Variants in SMARCA4 observed in about 807,000 individuals in gnomAD.
SMARCA4 encodes SWI/SNF-related matrix-associated actin-dependent regulator of chromatin subfamily A member 4.
Under a neutral mutation model 193.9 loss-of-function variants are expected in SMARCA4, and 31 were observed. That is an observed-to-expected ratio of 0.16 (90% CI 0.12 to 0.22). SMARCA4 has a LOEUF of 0.22. Among genes scored for constraint, SMARCA4 ranks in the 10% least tolerant of loss-of-function variants. SMARCA4 has a pLI of 1.00. For synonymous variants in SMARCA4, 942 were observed against 933.1 expected (o/e 1.01, Z -0.17); for missense variants, 1,148 against 2,296.0 (o/e 0.50, Z 10.22).
intron 34 of SMARCA4, 30 bp from the exon 35 acceptor site, chr19:11,061,754 G>A (rs376315782): frequency 3.4e-5 from 54 of 1,611,344 alleles, no homozygotes; most frequent in Middle Eastern, 1.6e-4. Context: ...GGTGGCCAAC[G>A]CACACTCTCT....
At chr19:10,996,186 A>G (rs200916800) in intron 9 of SMARCA4, 27 bp from the exon 10 acceptor site, 96 of 1,613,406 alleles carry the variant, frequency 6.0e-5, no homozygotes, top group Non-Finnish European at 7.7e-5. Flanking sequence ...GTGCCACCAC[A>G]TTGCAGTAAC....
At chr19:10,969,048 C>G (rs879774618) in intron 1 of SMARCA4, among the ~76,000 whole-genome samples, 1 of 152,172 alleles carries the variant, frequency 6.6e-6, no homozygotes, top group Non-Finnish European at 1.5e-5. Context: ...GAATCAGTTA[C>G]TCAGGCCCTG....
intron 20 of SMARCA4, among the ~76,000 whole-genome samples, chr19:11,023,970 G>T (rs1010131937): frequency 3.9e-5 from 6 of 152,210 alleles, no homozygotes; most frequent in African/African-American, 1.4e-4. Flanking sequence ...GGGTTTTCAA[G>T]GCCTGCTGCA....
chr19:11,025,673 G>A (rs1225418638), intron 22 of SMARCA4, 165 bp downstream of exon 22: 1 of 656,070 alleles, frequency 1.5e-6, no homozygotes, highest in East Asian at 2.9e-5. Flanking sequence ...AGTGCTTACG[G>A]GAAGAATCCC....
At chr19:11,024,488 G>A (rs767631077) in intron 21 of SMARCA4, 50 bp downstream of exon 21, 8 of 1,175,682 alleles carry the variant, frequency 6.8e-6, no homozygotes, top group South Asian at 3.7e-5. Context: ...GTCCAAGGCC[G>A]GCAGCGTGGC....
chr19:10,964,535 T>C (rs2084059001), intron 1 of SMARCA4, among the ~76,000 whole-genome samples: 1 of 152,036 alleles, frequency 6.6e-6, no homozygotes, highest in South Asian at 2.1e-4. Context: ...GGTCTTGAAC[T>C]CCTGACCTCA....
At position 11,058,207 on chromosome 19, in the gene SMARCA4, C is replaced by T; in HGVS notation, c.4425-48C>T. 1.5e-6 allele frequency: 2 copies of T among 1,308,750 alleles called. No homozygotes were observed. Among genetic ancestry groups the T allele is most frequent in the Non-Finnish European group, 1.1e-6 (1 of 910,690 alleles). The allele number at this position is 1,308,750 out of a possible 1,614,324, so 81.1% of individuals were successfully genotyped here. On this transcript the variant is annotated intron_variant, in intron 30 of 34. Coordinates refer to ENST00000344626, the MANE Select transcript of SMARCA4 (RefSeq NM_003072.5). The surrounding 1 kb of genome is among the most constrained non-coding windows in gnomAD (Gnocchi z 5.8). ...AACCTGCTGAGGTGGGGTGGGGGCT[C>T]CCGGGTGGGCGGACTCGGGGGTGAT... is the stretch of plus-strand genomic sequence containing the variant.
intron 1 of SMARCA4, among the ~76,000 whole-genome samples, chr19:10,976,620 A>G (rs1274449846): frequency 1.3e-5 from 2 of 150,722 alleles, no homozygotes; most frequent in East Asian, 1.9e-4. Flanking sequence ...AGCTGGGCAT[A>G]GTGGCATGAG....
At chr19:11,020,241 A>T (rs2089739366) in intron 18 of SMARCA4, among the ~76,000 whole-genome samples, 1 of 152,134 alleles carries the variant, frequency 6.6e-6, no homozygotes, top group Non-Finnish European at 1.5e-5. Context: ...GAAACTGTGA[A>T]GGGAGTCCCA....
Position 10,995,889 on chromosome 19 carries a change from A to C in SMARCA4, c.1594-324A>C, listed in dbSNP as rs1386832823. The C allele has an allele frequency of 3.8e-5, 16 of 421,758 alleles. No homozygotes were observed. In the Admixed American group the frequency reaches 5.5e-4, roughly 14 times the overall value. The allele number at this position is 421,758 out of a possible 1,614,324, so 26.1% of individuals were successfully genotyped here. A position where few individuals can be genotyped will look rare whatever the true frequency, so the allele number is the denominator to read the frequency against. ...GGGGGCTGCTGTAGGAGGTGGTGGG[A>C]GGGATGCACCTTGGACTTGGTGGAG... On this transcript the variant is annotated intron_variant, in intron 9 of 34. Coordinates refer to ENST00000344626, the MANE Select transcript of SMARCA4 (RefSeq NM_003072.5).
At position 11,041,105 on chromosome 19, in the gene SMARCA4, G is replaced by GT. The variant is rs1568526673; in HGVS notation, c.4171-202_4171-201insT. The GT allele has an allele frequency of 1.7e-6, 1 of 583,542 alleles. No individual in the cohort carries two copies. The highest frequency in any genetic ancestry group is 1.9e-5 in the African/African-American group (1 of 53,804). 36.1% of individuals were successfully genotyped at this position (583,542 alleles called of 1,614,324 possible). A position where few individuals can be genotyped will look rare whatever the true frequency, so the allele number is the denominator to read the frequency against. The stretch of plus-strand genomic sequence containing the variant: ...ACAAGCTTGGGTGGGGTGCCTGCTG[G>GT]GGGCAGTGCTGGTCTTTCACTGCAG... On this transcript the variant is annotated intron_variant, in intron 29 of 34. Coordinates refer to ENST00000344626, the MANE Select transcript of SMARCA4 (RefSeq NM_003072.5). The surrounding 1 kb of genome is among the most constrained non-coding windows in gnomAD (Gnocchi z 5.6).
chr19:11,035,262 C>CG (rs1452756885), intron 29 of SMARCA4, 130 bp downstream of exon 29: 3 of 865,940 alleles, frequency 3.5e-6, no homozygotes, highest in Middle Eastern at 3.2e-4. Context: ...GGCCAGGCTC[C>CG]GCAGGCAGCC....
At chr19:10,978,622 G>A (rs149290273) in intron 1 of SMARCA4, among the ~76,000 whole-genome samples, 367 of 151,190 alleles carry the variant, frequency 2.4e-3, no homozygotes, top group Non-Finnish European at 4.1e-3. Context: ...CATCACGCCC[G>A]GCCGATACTT....
chr19:11,001,691 C>T (rs1226480825), intron 11 of SMARCA4, among the ~76,000 whole-genome samples: 1 of 152,100 alleles, frequency 6.6e-6, no homozygotes, highest in African/African-American at 2.4e-5. Context: ...GAGCTTTTAG[C>T]GCGTAGAGAC....
chr19:11,017,659 C>G (rs2089487323), intron 16 of SMARCA4, among the ~76,000 whole-genome samples: 1 of 152,258 alleles, frequency 6.6e-6, no homozygotes, highest in African/African-American at 2.4e-5. Context: ...AGTGCAGATG[C>G]TCCGCACACC....
At chr19:11,059,024 C>T in intron 32 of SMARCA4, 135 bp downstream of exon 32, 1 of 734,086 alleles carries the variant, frequency 1.4e-6, no homozygotes, top group South Asian at 1.6e-5. Context: ...CCTGTAATCC[C>T]AGCACTTTGG....
chr19:11,038,451 C>G (rs1458479624), intron 29 of SMARCA4, among the ~76,000 whole-genome samples: 1 of 152,214 alleles, frequency 6.6e-6, no homozygotes, highest in Non-Finnish European at 1.5e-5. Flanking sequence ...TGCCTCCTGC[C>G]TGCTGTGCCC....
chr19:11,001,065 A>G (rs1253116603), intron 11 of SMARCA4, among the ~76,000 whole-genome samples: 2 of 151,464 alleles, frequency 1.3e-5, no homozygotes, highest in Non-Finnish European at 1.5e-5. Flanking sequence ...TATTATTACT[A>G]CTATTATTTG....
intron 1 of SMARCA4, chr19:10,965,281 C>A (rs2084126948): frequency 6.6e-6 from 1 of 152,092 alleles, no homozygotes; most frequent in Non-Finnish European, 1.5e-5. Flanking sequence ...TCTTGACTTG[C>A]AAAGGGGGAC....
Sources: allele counts gnomAD v4.1 joint callset (sites outside exome capture counted in the v4.1 genomes callset), GRCh38; gene constraint gnomAD v4.1.1; non-coding constraint Gnocchi (gnomAD v3.1); transcripts MANE v1.5; gene names NCBI Gene and HGNC (gene_info 2026-07-23, HGNC 2026-07-21).